TDRD3: variants seen among roughly 807,000 people sequenced by gnomAD.
The protein encoded by TDRD3 is tudor domain containing 3, also known as tudor domain-containing protein 3.
A neutral mutation model predicts 86.7 loss-of-function variants in TDRD3; 45 were observed. The observed-to-expected ratio is 0.52, with a 90% CI of 0.41 to 0.67. The LOEUF (loss-of-function observed/expected upper bound fraction) is 0.67, where lower values mean the gene tolerates loss of function less well. Among genes scored for constraint, TDRD3 ranks in the 30% least tolerant of loss-of-function variants. The probability of loss-of-function intolerance (pLI) is 0.00; values close to 1 mark genes in which losing one functional copy is unlikely to be tolerated. For missense variants in TDRD3, 814 were observed against 889.0 expected (o/e 0.92, Z 1.07); for synonymous variants, 298 against 301.7 (o/e 0.99, Z 0.13).
chr13:60,475,089 T>A (rs1956156940), intron 5 of TDRD3, among the ~76,000 whole-genome samples: 1 of 152,084 alleles, frequency 6.6e-6, no homozygotes, highest in Non-Finnish European at 1.5e-5. Flanking sequence ...TTTTTTTTCT[T>A]CCTATTTTTA....
chr13:60,413,657 C>T (rs1472511774), intron 1 of TDRD3, among the ~76,000 whole-genome samples: 1 of 152,132 alleles, frequency 6.6e-6, no homozygotes. Context: ...CAGTTAAATA[C>T]ATTCATGTTA....
intron 5 of TDRD3, among the ~76,000 whole-genome samples, chr13:60,471,731 T>C (rs1956079699): frequency 6.6e-6 from 1 of 152,198 alleles, no homozygotes; most frequent in African/African-American, 2.4e-5. Context: ...TCCAACTTTA[T>C]TGAATTTAGT....
intron 12 of TDRD3, among the ~76,000 whole-genome samples, chr13:60,565,149 G>A (rs934695694): frequency 9.5e-5 from 13 of 136,214 alleles, no homozygotes; most frequent in Admixed American, 2.5e-4. Context: ...TTCGCCTCCC[G>A]GGTTCACGCC....
intron 12 of TDRD3, chr13:60,547,356 G>A (rs983241975): frequency 2.0e-6 from 2 of 985,216 alleles, no homozygotes; most frequent in African/African-American, 3.5e-5. Flanking sequence ...AGTGGGCAAG[G>A]CTGGTCTTGG....
At chr13:60,559,281 G>A (rs1465879847) in intron 12 of TDRD3, among the ~76,000 whole-genome samples, 1 of 152,094 alleles carries the variant, frequency 6.6e-6, no homozygotes, top group Non-Finnish European at 1.5e-5. Context: ...TGATGTGGTA[G>A]AATCTAAACC....
chr13:60,517,378 A>G (rs1177522100), intron 10 of TDRD3, among the ~76,000 whole-genome samples: 1 of 152,174 alleles, frequency 6.6e-6, no homozygotes, highest in African/African-American at 2.4e-5. Context: ...TGTTATTGTG[A>G]GGGATTTCCT....
intron 3 of TDRD3, among the ~76,000 whole-genome samples, chr13:60,452,882 G>T (rs1439890285): frequency 6.6e-6 from 1 of 150,622 alleles, no homozygotes; most frequent in African/African-American, 2.4e-5. Flanking sequence ...TAAATTGTTG[G>T]TTTGTGCCTT....
intron 8 of TDRD3, among the ~76,000 whole-genome samples, chr13:60,497,793 A>G: frequency 6.6e-6 from 1 of 152,074 alleles, no homozygotes; most frequent in East Asian, 1.9e-4. Context: ...TTGCTAGAAG[A>G]AACAGCTTCC....
intron 12 of TDRD3, among the ~76,000 whole-genome samples, chr13:60,549,612 G>A (rs1469907073): frequency 6.6e-6 from 1 of 152,092 alleles, no homozygotes; most frequent in African/African-American, 2.4e-5. Flanking sequence ...GTGGACAAAC[G>A]TGAGAGATAT....
chr13:60,427,070 C>A (rs1954831521), intron 1 of TDRD3, among the ~76,000 whole-genome samples: 1 of 152,116 alleles, frequency 6.6e-6, no homozygotes, highest in Admixed American at 6.5e-5. Flanking sequence ...AGTAAAAATA[C>A]AGTATTTTAA....
chr13:60,512,359 C>T (rs897007789), intron 10 of TDRD3, among the ~76,000 whole-genome samples: 1 of 152,136 alleles, frequency 6.6e-6, no homozygotes, highest in Admixed American at 6.5e-5. Flanking sequence ...GGGGACACAG[C>T]CAAACCATAT....
At chr13:60,494,923 T>A (rs1009923816) in intron 8 of TDRD3, among the ~76,000 whole-genome samples, 1 of 152,238 alleles carries the variant, frequency 6.6e-6, no homozygotes, top group African/African-American at 2.4e-5. Context: ...GATTTTGTTT[T>A]GTTTTCTACT....
intron 8 of TDRD3, among the ~76,000 whole-genome samples, chr13:60,495,764 G>A (rs897838660): frequency 3.3e-5 from 5 of 152,196 alleles, no homozygotes; most frequent in Middle Eastern, 3.4e-3. Context: ...CACCATGCCC[G>A]GTGGGATAAA....
At chr13:60,413,698 A>G (rs1162090507) in intron 1 of TDRD3, among the ~76,000 whole-genome samples, 1 of 152,150 alleles carries the variant, frequency 6.6e-6, no homozygotes, top group African/African-American at 2.4e-5. Flanking sequence ...ATCTTGTGTC[A>G]CCTTTGGAAA....
intron 5 of TDRD3, among the ~76,000 whole-genome samples, chr13:60,470,154 C>T (rs1956045573): frequency 6.6e-6 from 1 of 152,188 alleles, no homozygotes; most frequent in African/African-American, 2.4e-5. Flanking sequence ...TTGTGCCTGA[C>T]TTATTTCACT....
At chr13:60,495,657 G>T (rs1956696727) in intron 8 of TDRD3, among the ~76,000 whole-genome samples, 1 of 152,004 alleles carries the variant, frequency 6.6e-6, no homozygotes, top group Non-Finnish European at 1.5e-5. Context: ...TAGAGACAGG[G>T]TTTCACTATA....
intron 1 of TDRD3, among the ~76,000 whole-genome samples, chr13:60,413,593 C>T (rs1248290206): frequency 1.3e-5 from 2 of 152,268 alleles, no homozygotes; most frequent in East Asian, 3.9e-4. Flanking sequence ...CCAGTAAATA[C>T]TTAATGTTCT....
At chr13:60,473,769 T>C (rs1275044183) in intron 5 of TDRD3, among the ~76,000 whole-genome samples, 1 of 152,252 alleles carries the variant, frequency 6.6e-6, no homozygotes, top group East Asian at 1.9e-4. Flanking sequence ...ACTAGAGGGC[T>C]CCCTGGTCTA....
chr13:60,426,815 T>C (rs1006377088), intron 1 of TDRD3, among the ~76,000 whole-genome samples: 1 of 152,186 alleles, frequency 6.6e-6, no homozygotes, highest in Non-Finnish European at 1.5e-5. Context: ...GTTCTAGAAA[T>C]GTGTTCTCAA....
Sources: allele counts gnomAD v4.1 joint callset (sites outside exome capture counted in the v4.1 genomes callset), GRCh38; gene constraint gnomAD v4.1.1; transcripts MANE v1.5; gene names NCBI Gene and HGNC (gene_info 2026-07-23, HGNC 2026-07-21).